ZNF234: variants seen among roughly 807,000 people sequenced by gnomAD.
ZNF234 encodes C2-H2 type zinc finger protein.
A neutral mutation model predicts 10.3 loss-of-function variants in ZNF234; 4 were observed. The ratio of observed to expected loss-of-function variants is 0.39; its 90% CI spans 0.19 to 0.89. The LOEUF (loss-of-function observed/expected upper bound fraction) is 0.89. Ranked by LOEUF, ZNF234 falls within the 40% of genes least tolerant of loss-of-function variation. The pLI is 0.38. For missense variants in ZNF234, 711 were observed against 836.1 expected, an observed-to-expected ratio of 0.85 and a Z score of 1.85; for synonymous variants, 258 against 280.1, an observed-to-expected ratio of 0.92 and a Z score of 0.79.
chr19:44,156,531 G>A lies in ZNF234; in HGVS notation c.515G>A (p.Gly172Glu). Reference sequence around the variant, plus strand: ...GATCTTCATCAACAGTTACACTCAGGAGAGAAGTCTCATACATGTGATGAG... The same window carrying A: ...GATCTTCATCAACAGTTACACTCAGAAGAGAAGTCTCATACATGTGATGAG... ...NFDLHQQLHSGEKSHTCDECG... is the reference protein window; with the variant it reads ...NFDLHQQLHSEEKSHTCDECG... Residue 172 changes from glycine (G) to glutamate (E), a missense_variant, in exon 6 of 6, where the codon GGA becomes GAA. By Grantham distance (98) the Gly-to-Glu change is moderately conservative. Transcript: ENST00000426739. 6.2e-7 allele frequency: 1 copy of A among 1,614,190 alleles called. No homozygotes were observed. The highest frequency in any genetic ancestry group is 1.1e-5 in the South Asian group (1 of 91,082).
In ZNF234 at chr19:44,148,885, C is replaced by A; in HGVS notation, c.130C>A (p.Leu44Met). 1 of 1,613,570 alleles carries A rather than the reference C, an allele frequency of 6.2e-7. No individual in the cohort carries two copies. Among genetic ancestry groups the A allele is most frequent in the Non-Finnish European group, 8.5e-7 (1 of 1,179,700 alleles). Reference protein sequence around the residue: ...QDVMLENFRNLLSVGHHPFKH... With the variant: ...QDVMLENFRNMLSVGHHPFKH... Reference sequence around the variant, plus strand: ...TGTGATGCTGGAGAACTTCAGGAACCTGCTGTCAGTGGGTGAGGACATGAG... The same window carrying A: ...TGTGATGCTGGAGAACTTCAGGAACATGCTGTCAGTGGGTGAGGACATGAG... Residue 44 changes from leucine to methionine, a missense_variant, in exon 4 of 6, where the codon CTG (leucine) becomes ATG (methionine). Leu to Met is a conservative substitution (Grantham distance 15, BLOSUM62 2). Coordinates refer to ENST00000426739, the MANE Select transcript of ZNF234 (RefSeq NM_006630.3).
chr19:44,156,178 T>C, intron 5 of ZNF234, 74 bp from the exon 6 acceptor site: 1 of 1,374,122 alleles, frequency 7.3e-7, no homozygotes, highest in Admixed American at 2.4e-5. Context: ...TAAAATCGCA[T>C]GCTCTCGCCT....
Position 44,156,998 on chromosome 19 carries a change from A to G in ZNF234, c.982A>G (p.Ser328Gly). The G allele has an allele frequency of 5.6e-6, 9 of 1,614,000 alleles. No homozygotes were observed. The highest frequency in any genetic ancestry group is 7.6e-6 in the Non-Finnish European group (9 of 1,179,948). ...CEDCGKCFTC[S>G]SNLRIHQRVH... The stretch of plus-strand genomic sequence containing the variant: ...GGACTGTGGTAAGTGTTTCACTTGT[A>G]GCTCAAACCTTCGTATCCATCAAAG... Residue 328 changes from serine (S) to glycine (G), a missense_variant, in exon 6 of 6, where the codon AGC (serine) becomes GGC (glycine). Physicochemically the swap from Ser to Gly is moderately conservative, Grantham distance 56. Transcript: ENST00000426739.
Position 44,158,314 on chromosome 19 carries a change from G to A in ZNF234, c.*195G>A. The A allele has an allele frequency of 1.6e-6, 1 of 624,446 alleles. No individual in the cohort carries two copies. Among genetic ancestry groups the A allele is most frequent in the East Asian group, 3.2e-5 (1 of 30,816 alleles). 38.7% of individuals were successfully genotyped at this position (624,446 alleles called of 1,614,324 possible). On this transcript the variant is annotated 3_prime_UTR_variant, in exon 6 of 6. Transcript: ENST00000426739. The stretch of plus-strand genomic sequence containing the variant: ...CGCTCTGTTGCCCATGCTGGATGCA[G>A]TGGTGCTATCTCAGCTCACTGTAAC...
At position 44,156,266 on chromosome 19, in the gene ZNF234, A is replaced by G. The variant is rs747289614; in HGVS notation, c.250A>G (p.Ser84Gly). 21 of 1,550,838 alleles carry G rather than the reference A, an allele frequency of 1.4e-5. No homozygotes were observed. The South Asian group carries it at 2.5e-4, about 19-fold the overall frequency. Residue 84 changes from serine to glycine, a missense_variant, in exon 6 of 6, where the codon AGT becomes GGT. Transcript: ENST00000426739. The part of the protein sequence containing the change: ...RKGKSADKIQ[S>G]EVETVPEAGR... Reference sequence around the variant, plus strand: ...TGTCCTTACAGCAGACAAGATCCAAAGTGAGGTGGAGACTGTTCCAGAAGC... The same window carrying G: ...TGTCCTTACAGCAGACAAGATCCAAGGTGAGGTGGAGACTGTTCCAGAAGC...
chr19:44,158,124 A>G lies in ZNF234; in HGVS notation c.*5A>G, dbSNP rs1373367043. 2.5e-6 allele frequency: 4 copies of G among 1,583,090 alleles called. No homozygotes were observed. Among genetic ancestry groups the G allele is most frequent in the Non-Finnish European group, 3.4e-6 (4 of 1,171,418 alleles). On this transcript the variant is annotated 3_prime_UTR_variant, in exon 6 of 6. Coordinates refer to ENST00000426739, the MANE Select transcript of ZNF234 (RefSeq NM_006630.3). ...GGAGGAAGTTCTACAAGGTGATTAA[A>G]AAAAAAAAAACAGAACTCATGTACA...
rs949093210 is a variant in ZNF234 at position 44,158,434 on chromosome 19, GAGTT to G, written c.*316_*319del. The G allele has an allele frequency of 8.3e-6, 3 of 361,798 alleles. No homozygotes were observed. The highest frequency in any genetic ancestry group is 1.6e-5 in the Non-Finnish European group (3 of 189,590). The allele number at this position is 361,798 out of a possible 1,614,324, so 22.4% of individuals were successfully genotyped here. On this transcript the variant is annotated 3_prime_UTR_variant, in exon 6 of 6. Coordinates refer to ENST00000426739, the MANE Select transcript of ZNF234 (RefSeq NM_006630.3). ...AATTTTTGTATTTTTAGTAGAGATG[GAGTT>G]TCACCATACTGGCCAGGCTGGTCTC... is the stretch of plus-strand genomic sequence containing the variant.
chr19:44,149,048 T>A (rs1231426150), intron 4 of ZNF234, among the ~76,000 whole-genome samples, 151 bp downstream of exon 4: 2 of 152,144 alleles, frequency 1.3e-5, no homozygotes, highest in Admixed American at 1.3e-4. Flanking sequence ...TAAAATGAGA[T>A]AGAAATATCA....
At chr19:44,150,631 G>A (rs143921815) in intron 5 of ZNF234, 126 bp downstream of exon 5, 106 of 683,146 alleles carry the variant, frequency 1.6e-4, no homozygotes, top group Admixed American at 2.3e-4. Flanking sequence ...AACAGCCTTC[G>A]TACTGGGCGC....
chr19:44,154,774 G>A (rs977361528), intron 5 of ZNF234, among the ~76,000 whole-genome samples: 1 of 151,482 alleles, frequency 6.6e-6, no homozygotes. Context: ...GTTAACTACG[G>A]GTGCGTGCCA....
chr19:44,143,741 G>T (rs956406706), intron 2 of ZNF234, among the ~76,000 whole-genome samples: 1 of 152,188 alleles, frequency 6.6e-6, no homozygotes, highest in Non-Finnish European at 1.5e-5. Context: ...GAACCCAGGA[G>T]GAGAAGGTTG....
chr19:44,157,007 C>T lies in ZNF234; in HGVS notation c.991C>T (p.Leu331Phe), dbSNP rs1055207048. Residue 331 changes from leucine (L) to phenylalanine (F), a missense_variant, in exon 6 of 6, where the codon CTT (leucine) becomes TTT (phenylalanine). By Grantham distance (22) the Leu-to-Phe change is conservative (BLOSUM62 0). Coordinates refer to ENST00000426739, the MANE Select transcript of ZNF234 (RefSeq NM_006630.3). Reference sequence around the variant, plus strand: ...TAAGTGTTTCACTTGTAGCTCAAACCTTCGTATCCATCAAAGGGTCCACAC... The same window carrying T: ...TAAGTGTTTCACTTGTAGCTCAAACTTTCGTATCCATCAAAGGGTCCACAC... ...CGKCFTCSSN[L>F]RIHQRVHTGE... is the part of the protein sequence containing the mutation. 1.2e-6 allele frequency: 2 copies of T among 1,613,958 alleles called. No individual in the cohort carries two copies. Among genetic ancestry groups the T allele is most frequent in the Non-Finnish European group, 1.7e-6 (2 of 1,179,954 alleles).
chr19:44,151,055 T>C (rs1968733595), intron 5 of ZNF234, among the ~76,000 whole-genome samples: 1 of 151,538 alleles, frequency 6.6e-6, no homozygotes, highest in African/African-American at 2.4e-5. Flanking sequence ...ATACTCTGAA[T>C]GGCTTCTTAT....
At chr19:44,149,155 G>A (rs1332635858) in intron 4 of ZNF234, among the ~76,000 whole-genome samples, 3 of 152,072 alleles carry the variant, frequency 2.0e-5, no homozygotes, top group Admixed American at 1.3e-4. Flanking sequence ...GAAAATAAAC[G>A]GGGGCCAGGC....
chr19:44,148,084 A>C (rs1199459862), intron 3 of ZNF234, among the ~76,000 whole-genome samples: 4 of 152,238 alleles, frequency 2.6e-5, no homozygotes, highest in African/African-American at 9.6e-5. Context: ...AGTCTGCGCC[A>C]TACACTATTC....
At chr19:44,148,056 A>T (rs1456754712) in intron 3 of ZNF234, among the ~76,000 whole-genome samples, 1 of 152,208 alleles carries the variant, frequency 6.6e-6, no homozygotes, top group Non-Finnish European at 1.5e-5. Flanking sequence ...GATAATAGCT[A>T]ATGTTTCTTA....
At position 44,141,732 on chromosome 19, in the gene ZNF234, AGGTTT is replaced by A. The variant is rs1968467135; in HGVS notation, c.-131+3_-131+7del. On this transcript the variant is annotated splice_donor_variant and splice_donor_region_variant and 5_prime_UTR_variant and intron_variant, in exon 1 of 6. Coordinates refer to ENST00000426739, the MANE Select transcript of ZNF234 (RefSeq NM_006630.3). LOFTEE classifies it low-confidence loss of function (5UTR_SPLICE). The surrounding 1 kb of genome is among the most constrained non-coding windows in gnomAD (Gnocchi z 4.6). The stretch of plus-strand genomic sequence containing the variant: ...GAAAAGAAGCCTCGTGGGAGAGCAG[AGGTTT>A]GGTGGGGCGAGGGCGGCGGCTTTTG... 1 of 152,334 alleles carries A rather than the reference AGGTTT, an allele frequency of 6.6e-6. No individual in the cohort carries two copies. Among genetic ancestry groups the A allele is most frequent in the African/African-American group, 2.4e-5 (1 of 41,382 alleles). The allele number at this position is 152,334 out of a possible 1,614,324, so 9.4% of individuals were successfully genotyped here.
In ZNF234 at chr19:44,160,240, ATC is replaced by A. The variant is rs1568556922; in HGVS notation, c.*2125_*2126del. 6.6e-6 allele frequency: 1 copy of A among 152,206 alleles called. No individual in the cohort carries two copies. The highest frequency in any genetic ancestry group is 6.5e-5 in the Admixed American group (1 of 15,284). The allele number at this position is 152,206 out of a possible 1,614,324, so 9.4% of individuals were successfully genotyped here. A position where few individuals can be genotyped will look rare whatever the true frequency, so the allele number is the denominator to read the frequency against. On this transcript the variant is annotated 3_prime_UTR_variant, in exon 6 of 6. Coordinates refer to ENST00000426739, the MANE Select transcript of ZNF234 (RefSeq NM_006630.3). ...GTGTTTTTCAGAATTTACACTGTAT[ATC>A]TCTGATTTGGAAGTTATATAATTGG...
At chr19:44,144,444 A>G in intron 2 of ZNF234, 113 bp from the exon 3 acceptor site, 3 of 427,190 alleles carry the variant, frequency 7.0e-6, no homozygotes, top group Non-Finnish European at 1.2e-5. Flanking sequence ...GCAGTTTGGG[A>G]TTATTATGAA....
Sources: allele counts gnomAD v4.1 joint callset (sites outside exome capture counted in the v4.1 genomes callset), GRCh38; gene constraint gnomAD v4.1.1; non-coding constraint Gnocchi (gnomAD v3.1); transcripts MANE v1.5; gene names NCBI Gene and HGNC (gene_info 2026-07-23, HGNC 2026-07-21).